Variants in SMC5 observed in about 807,000 individuals in gnomAD.
SMC5 encodes the protein structural maintenance of chromosomes protein 5.
Under a neutral mutation model 148.3 loss-of-function variants are expected in SMC5, and 88 were observed. The observed-to-expected ratio is 0.59, with a 90% CI of 0.50 to 0.71. The LOEUF is 0.71. Among genes scored for constraint, SMC5 ranks in the 30% least tolerant of loss-of-function variants. The probability of loss-of-function intolerance (pLI) is 0.00; values close to 1 mark genes in which losing one functional copy is unlikely to be tolerated. For missense variants in SMC5, 1,142 were observed against 1,298.9 expected (o/e 0.88, Z 1.86); for synonymous variants, 421 against 432.8 (o/e 0.97, Z 0.34).
chr9:70,329,617 T>C (rs188872335), intron 17 of SMC5, among the ~76,000 whole-genome samples: 22 of 152,298 alleles, frequency 1.4e-4, no homozygotes, highest in African/African-American at 4.1e-4. Context: ...GCTCAACAAG[T>C]CTCGAAGTTC....
chr9:70,277,295 T>G lies in SMC5; in HGVS notation c.381-15T>G, dbSNP rs201393554. 6.8e-7 allele frequency: 1 copy of G among 1,479,696 alleles called. No homozygotes were observed. The highest frequency in any genetic ancestry group is 1.5e-5 in the African/African-American group (1 of 68,490). 91.7% of individuals were successfully genotyped at this position (1,479,696 alleles called of 1,614,324 possible). A position where few individuals can be genotyped will look rare whatever the true frequency, so the allele number is the denominator to read the frequency against. On this transcript the variant is annotated splice_polypyrimidine_tract_variant and intron_variant, in intron 3 of 24. Transcript: ENST00000361138. The stretch of plus-strand genomic sequence containing the variant: ...TATTTTGAATATAAAGATTCTTAAA[T>G]TATTTTTTAATTAGGTTCAGGGCTT...
In SMC5 at chr9:70,298,560, T is replaced by C. The variant is rs115640204; in HGVS notation, c.1309+339T>C. ...CCTTTGTAACCTTCTGTTAGCTTAG[T>C]TCCTTGAAACCTGTCCAATTTCATC... On this transcript the variant is annotated intron_variant, in intron 9 of 24. Transcript: ENST00000361138. 3.1e-3 allele frequency among the ~76,000 whole-genome samples: 473 copies of C among 152,276 alleles called. 3 individuals carry two copies. Among genetic ancestry groups the C allele is most frequent in the African/African-American group, 0.011 (444 of 41,580 alleles).
chr9:70,278,717 G>A, intron 5 of SMC5, 92 bp downstream of exon 5: 1 of 1,280,266 alleles, frequency 7.8e-7, no homozygotes, highest in South Asian at 1.7e-5. Flanking sequence ...GATTCATTGA[G>A]TGAATTCGTA....
chr9:70,315,258 A>C (rs535123914), intron 12 of SMC5, among the ~76,000 whole-genome samples, 188 bp from the exon 13 acceptor site: 1 of 152,118 alleles, frequency 6.6e-6, no homozygotes, highest in East Asian at 1.9e-4. Context: ...TAATCATAAA[A>C]AGCTTAAGCT....
intron 16 of SMC5, 83 bp downstream of exon 16, chr9:70,323,689 GTT>G: frequency 9.5e-7 from 1 of 1,049,864 alleles, no homozygotes; most frequent in Non-Finnish European, 1.3e-6. Context: ...GGGAGGGAAG[GTT>G]TTGATTAAGG....
intron 9 of SMC5, among the ~76,000 whole-genome samples, chr9:70,299,296 T>C (rs921402510): frequency 6.6e-6 from 1 of 152,102 alleles, no homozygotes. Flanking sequence ...TAATTAAATT[T>C]CACTTCATTG....
intron 17 of SMC5, among the ~76,000 whole-genome samples, chr9:70,338,653 T>C (rs1382723110): frequency 6.6e-6 from 1 of 152,246 alleles, no homozygotes; most frequent in Non-Finnish European, 1.5e-5. Flanking sequence ...TTTACCTTGG[T>C]TGGCTATTCC....
Position 70,277,322 on chromosome 9 carries a change from T to C in SMC5, c.393T>C (p.Ser131=). 3 of 1,561,880 alleles carry C rather than the reference T, an allele frequency of 1.9e-6. No homozygotes were observed. The highest frequency in any genetic ancestry group is 2.6e-6 in the Non-Finnish European group (3 of 1,157,752). Residue 131 remains serine (S), a synonymous_variant, in exon 4 of 25, where the codon TCT becomes TCC. Transcript: ENST00000361138. ...ATTTTTTAATTAGGTTCAGGGCTTC[T>C]GGAAATCTTGTAATCACCCGTGAGA... is the stretch of plus-strand genomic sequence containing the variant. ...GMVEIELFRA[S]GNLVITREID... is the part of the protein sequence containing the mutation.
At chr9:70,285,731 T>C (rs1320854740) in intron 7 of SMC5, among the ~76,000 whole-genome samples, 1 of 152,232 alleles carries the variant, frequency 6.6e-6, no homozygotes, top group South Asian at 2.1e-4. Context: ...GTAATATGTG[T>C]CTATAATATG....
At chr9:70,273,274 C>T (rs2034500508) in intron 3 of SMC5, among the ~76,000 whole-genome samples, 1 of 147,432 alleles carries the variant, frequency 6.8e-6, no homozygotes, top group African/African-American at 2.5e-5. Context: ...TTAGATTTTT[C>T]TGTTTATTCT....
chr9:70,297,537 G>A (rs1437032992), intron 8 of SMC5, among the ~76,000 whole-genome samples: 1 of 152,126 alleles, frequency 6.6e-6, no homozygotes, highest in African/African-American at 2.4e-5. Context: ...TTGGATTAGG[G>A]ATATTCAACC....
chr9:70,261,184 C>T (rs919920913), intron 1 of SMC5, among the ~76,000 whole-genome samples: 1 of 152,206 alleles, frequency 6.6e-6, no homozygotes, highest in Admixed American at 6.5e-5. Context: ...AAAGGGTAAG[C>T]AACCATTCAG....
chr9:70,307,627 C>T (rs1390715990), intron 11 of SMC5, among the ~76,000 whole-genome samples: 4 of 152,118 alleles, frequency 2.6e-5, no homozygotes, highest in Non-Finnish European at 4.4e-5. Flanking sequence ...CTCAGCTTCT[C>T]GAGTAGCTGG....
intron 9 of SMC5, among the ~76,000 whole-genome samples, chr9:70,299,845 G>A (rs939713663): frequency 8.6e-5 from 13 of 151,680 alleles, no homozygotes; most frequent in Non-Finnish European, 1.2e-4. Context: ...ATATTTGATA[G>A]TTTCAGGATC....
At chr9:70,341,661 A>C (rs909648613) in intron 17 of SMC5, among the ~76,000 whole-genome samples, 2 of 152,228 alleles carry the variant, frequency 1.3e-5, no homozygotes, top group African/African-American at 4.8e-5. Flanking sequence ...ACCCATGTGC[A>C]TAAAAGTCAC....
rs540544100 is a variant in SMC5 at position 70,331,453 on chromosome 9, A to G, written c.2397+7310A>G. On this transcript the variant is annotated intron_variant, in intron 17 of 24. Transcript: ENST00000361138. ...TTGAATGCTGACTCAGTACTTGATA[A>G]TAGAAATTATTGATAATGTTTTTAG... Among the ~76,000 whole-genome samples the G allele has an allele frequency of 3.3e-5, 5 of 152,240 alleles. No individual in the cohort carries two copies. The East Asian group carries it at 9.7e-4, about 29-fold the overall frequency.
rs1442584090 is a variant in SMC5, at chr9:70,289,632, C to G, written c.1053+3361C>G. On this transcript the variant is annotated intron_variant, in intron 8 of 24. Coordinates refer to ENST00000361138, the MANE Select transcript of SMC5 (RefSeq NM_015110.4). ...TTTTTACTTGATTCCTCCTCTCTTT[C>G]TATTTTCTGTTGCTGTTAACCAAGG... 1.7e-4 allele frequency among the ~76,000 whole-genome samples: 26 copies of G among 151,990 alleles called. No individual in the cohort carries two copies. In the East Asian group the frequency reaches 3.9e-3, roughly 23 times the overall value.
At chr9:70,263,305 G>A (rs2034189306) in intron 1 of SMC5, among the ~76,000 whole-genome samples, 1 of 152,002 alleles carries the variant, frequency 6.6e-6, no homozygotes, top group Admixed American at 6.5e-5. Context: ...TAGAGGTGTG[G>A]GATTAGCAAA....
At chr9:70,300,231 G>T in intron 10 of SMC5, 31 bp downstream of exon 10, 4 of 1,554,680 alleles carry the variant, frequency 2.6e-6, no homozygotes, top group South Asian at 2.4e-5. Flanking sequence ...TGGTAGTATT[G>T]GTTTTATTAT....
Sources: allele counts gnomAD v4.1 joint callset (sites outside exome capture counted in the v4.1 genomes callset), GRCh38; gene constraint gnomAD v4.1.1; transcripts MANE v1.5; gene names NCBI Gene and HGNC (gene_info 2026-07-23, HGNC 2026-07-21).